Variants in CACNA2D1 observed in about 807,000 individuals in gnomAD.
CACNA2D1 encodes the protein voltage-dependent calcium channel subunit alpha-2/delta-1.
CACNA2D1 carries 53 observed loss-of-function variants against 171.5 expected under a neutral mutation model. The observed-to-expected ratio is 0.31, with a 90% CI of 0.25 to 0.39. The LOEUF (loss-of-function observed/expected upper bound fraction) is 0.39. Ranked by LOEUF, CACNA2D1 falls within the 10% of genes least tolerant of loss-of-function variation. The pLI, the probability that CACNA2D1 is intolerant of heterozygous loss-of-function variation, is 1.00. For synonymous variants in CACNA2D1, 442 were observed against 443.1 expected (o/e 1.00, Z 0.03); for missense variants, 903 against 1,299.8 (o/e 0.69, Z 4.69).
intron 1 of CACNA2D1, among the ~76,000 whole-genome samples, chr7:82,407,218 C>A (rs2129453336): frequency 6.6e-6 from 1 of 152,226 alleles, no homozygotes; most frequent in Middle Eastern, 3.4e-3. Flanking sequence ...TGTGTGAGCT[C>A]ACTTTGCTAG....
chr7:82,108,328 A>T (rs1214530563), intron 6 of CACNA2D1, among the ~76,000 whole-genome samples: 1 of 152,164 alleles, frequency 6.6e-6, no homozygotes, highest in Non-Finnish European at 1.5e-5. Flanking sequence ...AAGTATAGCT[A>T]CTTACAGATA....
chr7:81,955,488 C>T (rs1322892450), intron 38 of CACNA2D1, among the ~76,000 whole-genome samples: 1 of 152,072 alleles, frequency 6.6e-6, no homozygotes, highest in African/African-American at 2.4e-5. Context: ...AGTGGATTCA[C>T]TGTTCTATAC....
intron 3 of CACNA2D1, among the ~76,000 whole-genome samples, chr7:82,307,899 GAA>G (rs1356568280): frequency 6.6e-6 from 1 of 152,174 alleles, no homozygotes; most frequent in Non-Finnish European, 1.5e-5. Flanking sequence ...TGAAAGATTT[GAA>G]AAGATTTTAC....
At chr7:82,405,303 A>G (rs1485877779) in intron 1 of CACNA2D1, among the ~76,000 whole-genome samples, 1 of 152,218 alleles carries the variant, frequency 6.6e-6, no homozygotes, top group Non-Finnish European at 1.5e-5. Flanking sequence ...AAATCTGTTA[A>G]TAGCCTTAGA....
At chr7:82,368,049 A>G (rs1173921741) in intron 1 of CACNA2D1, among the ~76,000 whole-genome samples, 2 of 152,276 alleles carry the variant, frequency 1.3e-5, no homozygotes, top group East Asian at 3.9e-4. Context: ...AGCAACCTCA[A>G]TGTAATCAAG....
intron 12 of CACNA2D1, among the ~76,000 whole-genome samples, chr7:82,025,034 A>G (rs1294348017): frequency 6.6e-6 from 1 of 151,582 alleles, no homozygotes; most frequent in Non-Finnish European, 1.5e-5. Context: ...TACTGTTTTG[A>G]TTACCAGAAG....
At chr7:82,391,293 G>A (rs916161767) in intron 1 of CACNA2D1, among the ~76,000 whole-genome samples, 2 of 152,164 alleles carry the variant, frequency 1.3e-5, no homozygotes, top group African/African-American at 4.8e-5. Context: ...AACAAGTTAT[G>A]TACTTTGCAT....
chr7:82,336,349 T>A (rs896477033), intron 2 of CACNA2D1, among the ~76,000 whole-genome samples: 19 of 152,216 alleles, frequency 1.2e-4, no homozygotes, highest in African/African-American at 4.3e-4. Flanking sequence ...CAGAGCATAT[T>A]AGTTTTACAT....
chr7:82,094,226 C>T (rs1050429815), intron 6 of CACNA2D1, among the ~76,000 whole-genome samples: 2 of 133,000 alleles, frequency 1.5e-5, no homozygotes, highest in African/African-American at 6.3e-5. Context: ...ACATGTACTG[C>T]TTCAGAATGA....
intron 1 of CACNA2D1, among the ~76,000 whole-genome samples, chr7:82,392,420 A>G (rs4728506): frequency 6.6e-6 from 1 of 152,122 alleles, no homozygotes; most frequent in Non-Finnish European, 1.5e-5. Flanking sequence ...CAGTTGTCGG[A>G]GTAACCTCAT....
chr7:82,012,000 A>G, intron 15 of CACNA2D1, 154 bp downstream of exon 15: 1 of 655,298 alleles, frequency 1.5e-6, no homozygotes, highest in Non-Finnish European at 2.8e-6. Flanking sequence ...GTTTTTATGT[A>G]AATTATATAA....
chr7:82,101,223 A>T (rs1010678870), intron 6 of CACNA2D1, among the ~76,000 whole-genome samples: 1 of 152,188 alleles, frequency 6.6e-6, no homozygotes, highest in East Asian at 1.9e-4. Flanking sequence ...CAGAATTTGA[A>T]GTTTGGAACC....
At chr7:82,260,373 T>C (rs1806913213) in intron 3 of CACNA2D1, among the ~76,000 whole-genome samples, 1 of 152,120 alleles carries the variant, frequency 6.6e-6, no homozygotes, top group Non-Finnish European at 1.5e-5. Flanking sequence ...ACTTTTTCCA[T>C]AAGAGGTGAA....
intron 1 of CACNA2D1, among the ~76,000 whole-genome samples, chr7:82,386,265 C>G (rs1261994700): frequency 1.3e-5 from 2 of 152,150 alleles, no homozygotes; most frequent in Admixed American, 1.3e-4. Context: ...AGATTCTCAA[C>G]TCTTACTTTG....
chr7:82,083,267 A>G (rs1183197334), intron 7 of CACNA2D1, among the ~76,000 whole-genome samples: 1 of 152,090 alleles, frequency 6.6e-6, no homozygotes, highest in African/African-American at 2.4e-5. Context: ...TTATATTTGT[A>G]TATTATAGGA....
intron 3 of CACNA2D1, among the ~76,000 whole-genome samples, chr7:82,206,446 C>T (rs1225852591): frequency 6.6e-6 from 1 of 152,090 alleles, no homozygotes; most frequent in African/African-American, 2.4e-5. Context: ...GCATATTTTA[C>T]TTCCTACTTC....
chr7:82,071,078 T>C (rs143555754), intron 7 of CACNA2D1, among the ~76,000 whole-genome samples: 1 of 152,190 alleles, frequency 6.6e-6, no homozygotes, highest in African/African-American at 2.4e-5. Context: ...TTGTTGTTGA[T>C]GTTGTGTTAC....
In CACNA2D1 at chr7:81,962,383, A is replaced by G. The variant is rs918449889; in HGVS notation, c.2836+57T>C. 6 of 1,255,394 alleles carry G rather than the reference A, an allele frequency of 4.8e-6. No individual in the cohort carries two copies. The African/African-American group carries it at 8.9e-5, about 19-fold the overall frequency. The allele number at this position is 1,255,394 out of a possible 1,614,324, so 77.8% of individuals were successfully genotyped here. A position where few individuals can be genotyped will look rare whatever the true frequency, so the allele number is the denominator to read the frequency against. On this transcript the variant is annotated intron_variant, in intron 35 of 38. Transcript: ENST00000356860. The stretch of plus-strand genomic sequence containing the variant: ...TCTGAATTTGTTGAACTTCAAGCAC[A>G]TCCCAAAAGAAAATTTTTATTGTTA...
At chr7:82,007,492 CAG>C (rs1430243636) in intron 16 of CACNA2D1, among the ~76,000 whole-genome samples, 185 bp downstream of exon 16, 3 of 152,148 alleles carry the variant, frequency 2.0e-5, no homozygotes, top group East Asian at 1.9e-4. Flanking sequence ...TCTAGGGCAA[CAG>C]AGAGTTTGAC....
Sources: gnomAD v4.1 joint callset for allele counts (sites outside exome capture counted in the v4.1 genomes callset) on GRCh38, gnomAD v4.1.1 for gene constraint, MANE v1.5 for transcripts, NCBI Gene and HGNC (gene_info 2026-07-23, HGNC 2026-07-21) for gene names.